WDPCP: variants seen among roughly 807,000 people sequenced by gnomAD.
WDPCP encodes WD repeat containing planar cell polarity effector, also known as WD repeat-containing and planar cell polarity effector protein fritz homolog.
WDPCP carries 71 observed loss-of-function variants against 93.1 expected under a neutral mutation model. That is an observed-to-expected ratio of 0.76 (90% CI 0.63 to 0.93). The LOEUF is 0.93. WDPCP is among the 40% of genes least tolerant of loss of function. The pLI is 0.00. For missense variants in WDPCP, 844 were observed against 887.4 expected (o/e 0.95, Z 0.62); for synonymous variants, 315 against 315.0 (o/e 1.00, Z 0.00).
chr2:63,568,389 A>T (rs1473429885), intron 1 of WDPCP, among the ~76,000 whole-genome samples: 1 of 152,198 alleles, frequency 6.6e-6, no homozygotes, highest in Non-Finnish European at 1.5e-5. Context: ...GAGCTCTAAA[A>T]ATTCCACAAC....
intron 12 of WDPCP, among the ~76,000 whole-genome samples, chr2:63,319,605 A>C (rs1212504381): frequency 6.6e-6 from 1 of 152,144 alleles, no homozygotes; most frequent in Non-Finnish European, 1.5e-5. Context: ...CAGCCTCCCA[A>C]GTAGCTGGGA....
chr2:63,697,152 T>C (rs1668970823), intron 2 of WDPCP, among the ~76,000 whole-genome samples: 1 of 145,260 alleles, frequency 6.9e-6, no homozygotes, highest in South Asian at 2.2e-4. Flanking sequence ...GTAGTAGTTA[T>C]AGTAGTTGTA....
At chr2:63,445,484 T>G (rs777156322) in intron 6 of WDPCP, among the ~76,000 whole-genome samples, 13 of 152,208 alleles carry the variant, frequency 8.5e-5, no homozygotes, top group Non-Finnish European at 1.6e-4. Flanking sequence ...CAATCCCTAA[T>G]GTAACTTTAA....
chr2:63,840,786 G>GT, the WDPCP span, among the ~76,000 whole-genome samples: 1 of 152,150 alleles, frequency 6.6e-6, no homozygotes, highest in African/African-American at 2.4e-5. Flanking sequence ...CAACGCCGCC[G>GT]TAAGTGCTGC....
intron 2 of WDPCP, among the ~76,000 whole-genome samples, chr2:63,735,917 T>G (rs1669632756): frequency 6.6e-6 from 1 of 152,160 alleles, no homozygotes; most frequent in Admixed American, 6.5e-5. Context: ...AAAAAGAAAC[T>G]TATAATACCA....
chr2:63,814,110 T>C (rs1251960440), intron 1 of WDPCP, among the ~76,000 whole-genome samples: 1 of 152,162 alleles, frequency 6.6e-6, no homozygotes, highest in East Asian at 1.9e-4. Flanking sequence ...TTTAAGAGTA[T>C]AGATCACTTA....
At chr2:63,804,767 C>T (rs374890497) in intron 2 of WDPCP, among the ~76,000 whole-genome samples, 8 of 151,790 alleles carry the variant, frequency 5.3e-5, no homozygotes, top group Non-Finnish European at 1.0e-4. Context: ...CGGTGGCTCA[C>T]GCCTCTAATA....
At chr2:63,822,958 A>C (rs1671045477) in intron 1 of WDPCP, among the ~76,000 whole-genome samples, 2 of 151,474 alleles carry the variant, frequency 1.3e-5, no homozygotes, top group South Asian at 4.2e-4. Flanking sequence ...GTAAAAATAC[A>C]AAACACCCAT....
At chr2:63,410,323 G>C (rs1258397299) in intron 9 of WDPCP, among the ~76,000 whole-genome samples, 1 of 152,146 alleles carries the variant, frequency 6.6e-6, no homozygotes, top group Non-Finnish European at 1.5e-5. Flanking sequence ...AATGCTAAGA[G>C]AATTTGCCAC....
Position 63,588,438 on chromosome 2 carries a change from C to T in WDPCP, c.-167G>A, listed in dbSNP as rs1709035696. The T allele has an allele frequency of 1.3e-6, 1 of 755,732 alleles. No individual in the cohort carries two copies. The highest frequency in any genetic ancestry group is 1.7e-5 in the African/African-American group (1 of 57,892). The allele number at this position is 755,732 out of a possible 1,614,324, so 46.8% of individuals were successfully genotyped here. On this transcript the variant is annotated 5_prime_UTR_variant, in exon 1 of 18. Transcript: ENST00000272321. Reference sequence around the variant, plus strand: ...GTGTGCGTGCGCTCCCGCCTCGTCGCTTAGCAACCTGAGAAGCTGTCCGGT... The same window carrying T: ...GTGTGCGTGCGCTCCCGCCTCGTCGTTTAGCAACCTGAGAAGCTGTCCGGT...
intron 2 of WDPCP, chr2:63,752,732 T>G (rs1469932885): frequency 8.8e-6 from 2 of 227,244 alleles, no homozygotes; most frequent in Non-Finnish European, 1.7e-5. Context: ...CTTAATCCAT[T>G]TTAGGATTTA....
At chr2:63,172,155 G>C (rs568274552) in intron 15 of WDPCP, among the ~76,000 whole-genome samples, 1 of 152,218 alleles carries the variant, frequency 6.6e-6, no homozygotes, top group South Asian at 2.1e-4. Flanking sequence ...TCACTGACTT[G>C]TATACTTACA....
At chr2:63,562,243 A>G (rs559769004) in intron 1 of WDPCP, among the ~76,000 whole-genome samples, 19 of 152,304 alleles carry the variant, frequency 1.2e-4, no homozygotes, top group Non-Finnish European at 2.5e-4. Flanking sequence ...GCCAGAAGCC[A>G]TTATCCTCAG....
At chr2:63,731,147 T>C (rs1669554908) in intron 2 of WDPCP, among the ~76,000 whole-genome samples, 1 of 151,748 alleles carries the variant, frequency 6.6e-6, no homozygotes, top group Admixed American at 6.6e-5. Context: ...CACGTGCCTG[T>C]AGTTCCAGCT....
chr2:63,579,310 A>G (rs1214001230), intron 1 of WDPCP, among the ~76,000 whole-genome samples: 1 of 152,212 alleles, frequency 6.6e-6, no homozygotes, highest in East Asian at 1.9e-4. Flanking sequence ...ATGCCAAATT[A>G]GAAAAAAGTC....
At chr2:63,553,312 G>C (rs143863123) in intron 1 of WDPCP, among the ~76,000 whole-genome samples, 3 of 152,222 alleles carry the variant, frequency 2.0e-5, no homozygotes, top group Non-Finnish European at 4.4e-5. Flanking sequence ...TCAAGGTTGT[G>C]GGAAGTATTT....
intron 14 of WDPCP, among the ~76,000 whole-genome samples, chr2:63,178,611 T>C (rs1028546155): frequency 3.3e-5 from 5 of 152,162 alleles, no homozygotes; most frequent in African/African-American, 7.2e-5. Context: ...TTAATTAGTA[T>C]ACCTAATAAT....
rs377615144 is a variant in WDPCP at position 63,807,025 on chromosome 2, G to T, written n.308+6597C>A. Among the ~76,000 whole-genome samples the T allele has an allele frequency of 3.0e-4, 46 of 152,252 alleles. No homozygotes were observed. The East Asian group carries it at 7.3e-3, about 24-fold the overall frequency. ...AAGACAGGCATAGGAAATCACAAGG[G>T]TATTGATTGGGGAAGTGATAAGTGT... On this transcript the variant is annotated intron_variant and non_coding_transcript_variant, in intron 2 of 4. Transcript: ENST00000467687.
Position 63,340,924 on chromosome 2 carries a change from T to A in WDPCP, c.1749-27613A>T, listed in dbSNP as rs1688790509. On this transcript the variant is annotated intron_variant, in intron 12 of 17. Coordinates refer to ENST00000272321, the MANE Select transcript of WDPCP (RefSeq NM_015910.7). ...ACCACTATAAATTTCCCTGTGAGCA[T>A]GAATTTTGCTGTACCCCGTAAGTTT... is the stretch of plus-strand genomic sequence containing the variant. 2.0e-5 allele frequency among the ~76,000 whole-genome samples: 3 copies of A among 152,218 alleles called. No homozygotes were observed. The South Asian group carries it at 6.2e-4, about 31-fold the overall frequency.
Sources: allele counts gnomAD v4.1 joint callset (sites outside exome capture counted in the v4.1 genomes callset), GRCh38; gene constraint gnomAD v4.1.1; transcripts MANE v1.5; gene names NCBI Gene and HGNC (gene_info 2026-07-23, HGNC 2026-07-21).